Variants in SPAG16 observed in about 807,000 individuals in gnomAD.
The protein encoded by SPAG16 is sperm associated antigen 16, also known as sperm-associated antigen 16 protein.
In SPAG16, 86 loss-of-function variants were observed where a neutral mutation model predicts 80.4. That is an observed-to-expected ratio of 1.07 (90% CI 0.90 to 1.28). The LOEUF (loss-of-function observed/expected upper bound fraction) is 1.28, where lower values mean the gene tolerates loss of function less well. Ranked by LOEUF, SPAG16 falls within the 50% of genes most tolerant of loss-of-function variation. SPAG16 has a pLI of 0.00. For synonymous variants in SPAG16, 294 were observed against 265.9 expected (o/e 1.11, Z -1.03); for missense variants, 870 against 765.3 (o/e 1.14, Z -1.61).
intron 9 of SPAG16, among the ~76,000 whole-genome samples, chr2:213,454,850 A>G (rs2071905479): frequency 6.6e-6 from 1 of 152,226 alleles, no homozygotes; most frequent in Admixed American, 6.5e-5. Flanking sequence ...ATTAGAATGC[A>G]TGAAATTTTG....
chr2:214,114,918 G>C (rs1297253743), intron 14 of SPAG16, among the ~76,000 whole-genome samples: 5 of 152,144 alleles, frequency 3.3e-5, no homozygotes, highest in Non-Finnish European at 7.4e-5. Flanking sequence ...GACTGGTGCT[G>C]TTCCTATTTG....
At chr2:214,308,772 T>TTC (rs1234977368) in intron 15 of SPAG16, among the ~76,000 whole-genome samples, 4 of 152,292 alleles carry the variant, frequency 2.6e-5, no homozygotes, top group Non-Finnish European at 4.4e-5. Context: ...AGTCAGGGGC[T>TTC]TCTCTTTGTA....
chr2:214,294,428 A>C (rs1177882642), intron 15 of SPAG16, among the ~76,000 whole-genome samples: 2 of 152,032 alleles, frequency 1.3e-5, no homozygotes, highest in Non-Finnish European at 2.9e-5. Flanking sequence ...CTTATAGATG[A>C]CTCATTTGAA....
chr2:214,259,131 T>C (rs1488673075), intron 15 of SPAG16, among the ~76,000 whole-genome samples: 1 of 151,854 alleles, frequency 6.6e-6, no homozygotes, highest in Non-Finnish European at 1.5e-5. Flanking sequence ...AATAAGGTTG[T>C]AGATACTTTT....
intron 5 of SPAG16, among the ~76,000 whole-genome samples, chr2:213,321,514 T>C (rs2063606922): frequency 6.6e-6 from 1 of 152,238 alleles, no homozygotes; most frequent in African/African-American, 2.4e-5. Flanking sequence ...TAACTCTAAA[T>C]GCTGTCATCT....
At position 214,290,115 on chromosome 2, in the gene SPAG16, G is replaced by GTT. The variant is rs370579144; in HGVS notation, c.1721-120017_1721-120016dup. Reference sequence around the variant, plus strand: ...CACTACTCACAATTGGTATGTTCAGGTTTTTTTTTACTTTTTCCTAATTCA... The same window carrying GTT: ...CACTACTCACAATTGGTATGTTCAGGTTTTTTTTTTTACTTTTTCCTAATTCA... On this transcript the variant is annotated intron_variant, in intron 15 of 15. Transcript: ENST00000331683. Among the ~76,000 whole-genome samples the GTT allele has an allele frequency of 1.8e-3, 265 of 151,412 alleles. 2 individuals are homozygous for GTT. The highest frequency in any genetic ancestry group is 5.8e-3 in the African/African-American group (239 of 41,310).
In SPAG16 at chr2:213,605,552, C is replaced by T. The variant is rs112113433; in HGVS notation, c.1070+115462C>T. On this transcript the variant is annotated intron_variant, in intron 10 of 15. Coordinates refer to ENST00000331683, the MANE Select transcript of SPAG16 (RefSeq NM_024532.5). ...TTCCCTGGGCTAGTGTGCAATGGCC[C>T]GGTCTCGGCTCACTGCAACCTCCAC... is the stretch of plus-strand genomic sequence containing the variant. 2.8e-4 allele frequency among the ~76,000 whole-genome samples: 43 copies of T among 152,146 alleles called. 1 individual carries two copies. In the South Asian group the frequency reaches 8.1e-3, roughly 29 times the overall value.
rs572502587 is a variant in SPAG16, at chr2:213,846,334, TG to T, written c.1071-16150del. ...ATGTAGTATATTATATACATGTGTA[TG>T]TATATATCCCTGCTGAAATTACCTG... is the stretch of plus-strand genomic sequence containing the variant. On this transcript the variant is annotated intron_variant, in intron 10 of 15. Coordinates refer to ENST00000331683, the MANE Select transcript of SPAG16 (RefSeq NM_024532.5). 1.6e-3 allele frequency among the ~76,000 whole-genome samples: 246 copies of T among 152,112 alleles called. 1 individual carries two copies. Among genetic ancestry groups the T allele is most frequent in the African/African-American group, 5.2e-3 (217 of 41,544 alleles).
At chr2:214,132,187 T>C (rs1163438010) in intron 14 of SPAG16, among the ~76,000 whole-genome samples, 2 of 152,234 alleles carry the variant, frequency 1.3e-5, no homozygotes. Context: ...TGAGAAGTTT[T>C]GCTTTGACTT....
At chr2:213,697,291 G>A (rs2065196667) in intron 10 of SPAG16, among the ~76,000 whole-genome samples, 1 of 152,182 alleles carries the variant, frequency 6.6e-6, no homozygotes, top group East Asian at 1.9e-4. Flanking sequence ...CATAGTGTCA[G>A]AGTAAATATG....
intron 15 of SPAG16, among the ~76,000 whole-genome samples, chr2:214,395,938 G>A (rs187488936): frequency 3.3e-5 from 5 of 152,172 alleles, no homozygotes; most frequent in Admixed American, 3.3e-4. Context: ...CAGTTGATGG[G>A]ATTTATGTTG....
At chr2:213,294,431 A>T (rs1408309873) in intron 1 of SPAG16, among the ~76,000 whole-genome samples, 2 of 152,242 alleles carry the variant, frequency 1.3e-5, no homozygotes, top group Non-Finnish European at 2.9e-5. Flanking sequence ...ACAGTAATAG[A>T]TAATTAATAA....
intron 13 of SPAG16, among the ~76,000 whole-genome samples, chr2:214,024,019 G>T (rs1479798900): frequency 6.6e-6 from 1 of 151,542 alleles, no homozygotes; most frequent in African/African-American, 2.4e-5. Flanking sequence ...AGTTTATTTA[G>T]ATTCCATTCA....
intron 9 of SPAG16, chr2:213,396,527 A>C (rs1410193090): frequency 2.0e-5 from 6 of 294,206 alleles, no homozygotes; most frequent in Non-Finnish European, 3.5e-5. Flanking sequence ...ACAGAAATCA[A>C]GAGAAAGCTT....
At chr2:213,594,452 A>G (rs974976419) in intron 10 of SPAG16, among the ~76,000 whole-genome samples, 8 of 152,210 alleles carry the variant, frequency 5.3e-5, no homozygotes, top group Admixed American at 4.6e-4. Context: ...CATGAAGAGT[A>G]CTTGGAGTTC....
intron 13 of SPAG16, among the ~76,000 whole-genome samples, chr2:214,068,538 T>A (rs2050637078): frequency 1.3e-5 from 2 of 152,096 alleles, no homozygotes; most frequent in South Asian, 4.1e-4. Context: ...ACTCAGAGCT[T>A]TTCCTAGGAA....
intron 5 of SPAG16, among the ~76,000 whole-genome samples, chr2:213,318,133 G>A (rs1035266661): frequency 6.6e-6 from 1 of 151,836 alleles, no homozygotes; most frequent in Admixed American, 6.6e-5. Flanking sequence ...TCTCATTGTG[G>A]TTTTGACTTC....
intron 12 of SPAG16, among the ~76,000 whole-genome samples, chr2:213,998,411 A>G (rs1302163520): frequency 1.3e-5 from 2 of 152,134 alleles, no homozygotes; most frequent in Admixed American, 6.5e-5. Flanking sequence ...CCACTTTTAC[A>G]TCTTCCTCAT....
chr2:214,140,214 T>C (rs1391933784), intron 14 of SPAG16, among the ~76,000 whole-genome samples: 1 of 152,024 alleles, frequency 6.6e-6, no homozygotes, highest in Non-Finnish European at 1.5e-5. Flanking sequence ...CTCTTTTTTT[T>C]TTGTTTTGTT....
Sources: allele counts gnomAD v4.1 joint callset (sites outside exome capture counted in the v4.1 genomes callset), GRCh38; gene constraint gnomAD v4.1.1; transcripts MANE v1.5; gene names NCBI Gene and HGNC (gene_info 2026-07-23, HGNC 2026-07-21).